Variants in TMC1 observed in about 807,000 individuals in gnomAD.
TMC1 encodes the protein transmembrane channel like 1.
Under a neutral mutation model 105.8 loss-of-function variants are expected in TMC1, and 84 were observed. That is an observed-to-expected ratio of 0.79 (90% confidence interval 0.67 to 0.95). The LOEUF is 0.95. Ranked by LOEUF, TMC1 falls within the 40% of genes least tolerant of loss-of-function variation. TMC1 has a pLI of 0.00. For synonymous variants in TMC1, 315 were observed against 311.5 expected (o/e 1.01, Z -0.12); for missense variants, 817 against 914.1 (o/e 0.89, Z 1.37).
At chr9:72,767,848 A>C (rs144602679) in intron 12 of TMC1, among the ~76,000 whole-genome samples, 1 of 152,148 alleles carries the variant, frequency 6.6e-6, no homozygotes, top group African/African-American at 2.4e-5. Context: ...GCTAGGAGTC[A>C]TTGCTATTTT....
At chr9:72,693,321 G>A (rs963200441) in intron 6 of TMC1, among the ~76,000 whole-genome samples, 16 of 152,144 alleles carry the variant, frequency 1.1e-4, no homozygotes, top group Non-Finnish European at 2.2e-4. Context: ...AACAACTTGT[G>A]AGATGCTATA....
Position 72,742,428 on chromosome 9 carries a change from T to C in TMC1, c.454-16T>C. ...AAGAGGTTGGACTTTACTTTTGTATTTGACTTTCTTTTCAGAAATGGGCAA... is the reference window on the plus strand; with the variant it reads ...AAGAGGTTGGACTTTACTTTTGTATCTGACTTTCTTTTCAGAAATGGGCAA... On this transcript the variant is annotated splice_polypyrimidine_tract_variant and intron_variant, in intron 9 of 23. Transcript: ENST00000297784. 1 of 1,610,808 alleles carries C rather than the reference T, an allele frequency of 6.2e-7. No homozygotes were observed. The highest frequency in any genetic ancestry group is 8.5e-7 in the Non-Finnish European group (1 of 1,177,222).
intron 6 of TMC1, among the ~76,000 whole-genome samples, chr9:72,693,448 G>A (rs1189323386): frequency 6.6e-6 from 1 of 152,168 alleles, no homozygotes; most frequent in African/African-American, 2.4e-5. Context: ...CCTTTGGAAA[G>A]AGTTCATTTG....
chr9:72,524,225 T>A (rs761320371), intron 1 of TMC1, among the ~76,000 whole-genome samples: 2 of 152,082 alleles, frequency 1.3e-5, no homozygotes, highest in Non-Finnish European at 2.9e-5. Context: ...TACTTGAAAA[T>A]AGAGAAAGAA....
chr9:72,533,082 C>G (rs181315346), intron 1 of TMC1, among the ~76,000 whole-genome samples: 100 of 152,298 alleles, frequency 6.6e-4, no homozygotes, highest in Non-Finnish European at 1.2e-3. Flanking sequence ...GAAGAAGCTA[C>G]ATTCTGTAGT....
At chr9:72,830,032 T>C (rs544309859) in intron 21 of TMC1, among the ~76,000 whole-genome samples, 2 of 152,358 alleles carry the variant, frequency 1.3e-5, no homozygotes, top group East Asian at 1.9e-4. Flanking sequence ...AGGCAGAAAG[T>C]CGTTTTCCTT....
At chr9:72,803,257 A>G (rs1828508160) in intron 17 of TMC1, among the ~76,000 whole-genome samples, 1 of 152,204 alleles carries the variant, frequency 6.6e-6, no homozygotes, top group Non-Finnish European at 1.5e-5. Context: ...GCTTATATAT[A>G]AAAGCCAAAA....
intron 8 of TMC1, among the ~76,000 whole-genome samples, chr9:72,719,230 G>A (rs1406871284): frequency 6.6e-6 from 1 of 152,162 alleles, no homozygotes; most frequent in Non-Finnish European, 1.5e-5. Flanking sequence ...GGTTGGAATC[G>A]TTACAGAGTT....
chr9:72,655,199 G>C (rs1825865806), intron 5 of TMC1, among the ~76,000 whole-genome samples: 1 of 152,130 alleles, frequency 6.6e-6, no homozygotes, highest in Admixed American at 6.5e-5. Flanking sequence ...GCAGGTGCCT[G>C]TTTCCCCTTC....
intron 1 of TMC1, among the ~76,000 whole-genome samples, chr9:72,549,594 C>CACCA (rs1823826077): frequency 6.7e-6 from 1 of 148,972 alleles, no homozygotes; most frequent in Admixed American, 6.8e-5. Context: ...AGGCACGTAC[C>CACCA]ACCACATCTG....
chr9:72,747,614 A>G (rs866122350), intron 10 of TMC1, among the ~76,000 whole-genome samples: 7 of 152,144 alleles, frequency 4.6e-5, no homozygotes, highest in South Asian at 2.1e-4. Context: ...TTGTTTTTTG[A>G]GACAGAGTCT....
chr9:72,548,457 C>T (rs774973900), intron 1 of TMC1, among the ~76,000 whole-genome samples: 1 of 151,836 alleles, frequency 6.6e-6, no homozygotes, highest in African/African-American at 2.4e-5. Context: ...GCCTGTAATC[C>T]CAGCTACTTG....
Position 72,635,305 on chromosome 9 carries a change from A to G in TMC1, c.-53+7242A>G, listed in dbSNP as rs140687510. On this transcript the variant is annotated intron_variant, in intron 4 of 23. Coordinates refer to ENST00000297784, the MANE Select transcript of TMC1 (RefSeq NM_138691.3). ...AAGAAAAATGTTCCTTCAGATTTTT[A>G]TGAGGGCTTCATTGCATATACATGC... is the stretch of plus-strand genomic sequence containing the variant. 5.3e-5 allele frequency among the ~76,000 whole-genome samples: 8 copies of G among 152,092 alleles called. No individual in the cohort carries two copies. The East Asian group carries it at 1.5e-3, about 29-fold the overall frequency.
chr9:72,675,691 C>A (rs1826191860), intron 5 of TMC1, among the ~76,000 whole-genome samples: 1 of 152,146 alleles, frequency 6.6e-6, no homozygotes, highest in African/African-American at 2.4e-5. Flanking sequence ...AAATCACTTA[C>A]AATCAGGATA....
chr9:72,594,853 T>G (rs1000282771), intron 2 of TMC1, among the ~76,000 whole-genome samples: 10 of 126,892 alleles, frequency 7.9e-5, no homozygotes, highest in Non-Finnish European at 1.5e-4. Context: ...GCAGCTCTCC[T>G]CTGCTTCTTC....
chr9:72,669,498 T>C (rs1185026046), intron 5 of TMC1, among the ~76,000 whole-genome samples: 1 of 152,248 alleles, frequency 6.6e-6, no homozygotes, highest in Non-Finnish European at 1.5e-5. Context: ...ATCTGTAGAA[T>C]TTTAATGATA....
intron 6 of TMC1, 60 bp from the exon 7 acceptor site, chr9:72,694,483 G>T (rs1263846435): frequency 1.4e-6 from 2 of 1,479,536 alleles, no homozygotes; most frequent in Non-Finnish European, 1.9e-6. Flanking sequence ...CTAAGAATAA[G>T]CTTGGTAGTG....
intron 1 of TMC1, among the ~76,000 whole-genome samples, chr9:72,545,984 C>A (rs1823760206): frequency 6.6e-6 from 1 of 150,554 alleles, no homozygotes; most frequent in African/African-American, 2.4e-5. Flanking sequence ...GAAAATTAAT[C>A]ATAAATTGAT....
chr9:72,718,459 T>A (rs1826960442), intron 8 of TMC1, among the ~76,000 whole-genome samples: 1 of 152,064 alleles, frequency 6.6e-6, no homozygotes, highest in Non-Finnish European at 1.5e-5. Flanking sequence ...CAAACTGTAG[T>A]GATTGTTATT....
Sources: allele counts gnomAD v4.1 joint callset (sites outside exome capture counted in the v4.1 genomes callset), GRCh38; gene constraint gnomAD v4.1.1; transcripts MANE v1.5; gene names NCBI Gene and HGNC (gene_info 2026-07-23, HGNC 2026-07-21).